CTNNA3: variants seen among roughly 807,000 people sequenced by gnomAD.
CTNNA3 encodes catenin alpha-3.
A neutral mutation model predicts 95.7 loss-of-function variants in CTNNA3; 76 were observed. That is an observed-to-expected ratio of 0.79 (90% confidence interval 0.66 to 0.96). The LOEUF (loss-of-function observed/expected upper bound fraction) is 0.96. Among genes scored for constraint, CTNNA3 ranks in the 40% least tolerant of loss-of-function variants. The probability of loss-of-function intolerance (pLI) is 0.00; values close to 1 mark genes in which losing one functional copy is unlikely to be tolerated. For synonymous variants in CTNNA3, 431 were observed against 374.4 expected (o/e 1.15, Z -1.74); for missense variants, 1,191 against 1,089.8 (o/e 1.09, Z -1.31).
chr10:67,425,240 T>C (rs763449701), intron 5 of CTNNA3, among the ~76,000 whole-genome samples: 1 of 152,122 alleles, frequency 6.6e-6, no homozygotes. Flanking sequence ...TACTCAGCCA[T>C]GTAGGTGCTA....
intron 12 of CTNNA3, among the ~76,000 whole-genome samples, chr10:66,315,809 G>A (rs2132273173): frequency 6.6e-6 from 1 of 152,128 alleles, no homozygotes; most frequent in African/African-American, 2.4e-5. Flanking sequence ...AAAAGCTGAA[G>A]CCCATATTTC....
chr10:66,004,373 A>T (rs1362892432), intron 15 of CTNNA3, among the ~76,000 whole-genome samples: 3 of 152,152 alleles, frequency 2.0e-5, no homozygotes, highest in Non-Finnish European at 4.4e-5. Flanking sequence ...GAAATCTGGC[A>T]TGTATCTTTT....
At chr10:67,364,813 A>C (rs1245667911) in intron 5 of CTNNA3, among the ~76,000 whole-genome samples, 2 of 152,224 alleles carry the variant, frequency 1.3e-5, no homozygotes, top group Non-Finnish European at 2.9e-5. Flanking sequence ...GGTAATTTAT[A>C]CATTCAATGC....
chr10:66,556,423 G>A (rs973021785), intron 10 of CTNNA3, among the ~76,000 whole-genome samples: 3 of 151,988 alleles, frequency 2.0e-5, no homozygotes, highest in Non-Finnish European at 4.4e-5. Flanking sequence ...TATGTTTATT[G>A]CAACTTTATT....
At chr10:66,020,895 G>C (rs763133594) in intron 15 of CTNNA3, among the ~76,000 whole-genome samples, 2 of 151,852 alleles carry the variant, frequency 1.3e-5, no homozygotes, top group East Asian at 1.9e-4. Context: ...GGATGGTCTC[G>C]ATCTCCTGAC....
intron 13 of CTNNA3, among the ~76,000 whole-genome samples, chr10:66,167,137 A>T (rs1423818502): frequency 1.3e-5 from 2 of 152,210 alleles, no homozygotes; most frequent in East Asian, 3.8e-4. Context: ...AAAAGGTACC[A>T]TGAAATAAGA....
chr10:66,537,137 A>G (rs1000173030), intron 10 of CTNNA3, among the ~76,000 whole-genome samples: 1 of 152,130 alleles, frequency 6.6e-6, no homozygotes, highest in Admixed American at 6.6e-5. Context: ...CCTCTTTCCA[A>G]ATAACTCGAG....
At chr10:66,546,294 C>A (rs931169571) in intron 10 of CTNNA3, among the ~76,000 whole-genome samples, 1 of 152,128 alleles carries the variant, frequency 6.6e-6, no homozygotes, top group African/African-American at 2.4e-5. Context: ...ATTTCATTTA[C>A]TTTCACATGC....
chr10:66,618,338 G>T (rs2132306800), intron 10 of CTNNA3, among the ~76,000 whole-genome samples: 1 of 152,124 alleles, frequency 6.6e-6, no homozygotes, highest in East Asian at 1.9e-4. Flanking sequence ...AACCAAAACA[G>T]CAAGGTACTG....
chr10:65,976,744 T>A (rs2078213844), intron 16 of CTNNA3, among the ~76,000 whole-genome samples: 1 of 152,276 alleles, frequency 6.6e-6, no homozygotes, highest in South Asian at 2.1e-4. Context: ...TTTAAGAATA[T>A]TCTACTATTT....
At chr10:66,944,699 G>A (rs538095575) in intron 7 of CTNNA3, among the ~76,000 whole-genome samples, 1 of 152,282 alleles carries the variant, frequency 6.6e-6, no homozygotes, top group East Asian at 1.9e-4. Flanking sequence ...ATCCAAGACA[G>A]CAAGAGACTT....
intron 12 of CTNNA3, among the ~76,000 whole-genome samples, chr10:66,282,340 G>C (rs2132164181): frequency 6.6e-6 from 1 of 151,820 alleles, no homozygotes; most frequent in South Asian, 2.1e-4. Flanking sequence ...ATATCCAACT[G>C]ACAATGGCAA....
chr10:67,333,675 A>T lies in CTNNA3; in HGVS notation c.580-113805T>A, dbSNP rs139030261. Among the ~76,000 whole-genome samples, 304 of 152,314 alleles carry T rather than the reference A, an allele frequency of 2.0e-3. 3 individuals are homozygous for T. Among genetic ancestry groups the T allele is most frequent in the African/African-American group, 6.8e-3 (282 of 41,570 alleles). On this transcript the variant is annotated intron_variant, in intron 5 of 17. Coordinates refer to ENST00000433211, the MANE Select transcript of CTNNA3 (RefSeq NM_013266.4). ...ATTTTGTTGGCTCACTGAGTACATG[A>T]TGGAGTAAAAAGAACATTGAAACTA...
chr10:67,729,327 A>C (rs1841261854), intron 1 of CTNNA3, among the ~76,000 whole-genome samples: 1 of 152,150 alleles, frequency 6.6e-6, no homozygotes, highest in Non-Finnish European at 1.5e-5. Context: ...TGAAAGAAAG[A>C]AACATTTATA....
At chr10:66,018,195 C>CACACACACAA (rs2079131587) in intron 15 of CTNNA3, among the ~76,000 whole-genome samples, 1 of 151,304 alleles carries the variant, frequency 6.6e-6, no homozygotes, top group Non-Finnish European at 1.5e-5. Context: ...AATACACACA[C>CACACACACAA]ACACACACAC....
intron 10 of CTNNA3, among the ~76,000 whole-genome samples, chr10:66,559,850 T>G (rs1842499194): frequency 6.6e-6 from 1 of 152,088 alleles, no homozygotes; most frequent in Admixed American, 6.6e-5. Flanking sequence ...ACATAGTAAT[T>G]CATTTTTAGT....
intron 5 of CTNNA3, among the ~76,000 whole-genome samples, chr10:67,306,237 C>T (rs1840548606): frequency 1.3e-5 from 2 of 152,072 alleles, no homozygotes; most frequent in South Asian, 4.1e-4. Flanking sequence ...GAACCTTCAT[C>T]AGAACGAGCT....
chr10:67,684,539 C>T, intron 1 of CTNNA3, among the ~76,000 whole-genome samples: 1 of 152,188 alleles, frequency 6.6e-6, no homozygotes, highest in Admixed American at 6.5e-5. Flanking sequence ...ACAGGACACC[C>T]CAACTGCTTT....
At chr10:67,331,305 T>C (rs569948218) in intron 5 of CTNNA3, among the ~76,000 whole-genome samples, 2 of 152,328 alleles carry the variant, frequency 1.3e-5, no homozygotes, top group Admixed American at 6.5e-5. Flanking sequence ...GCTTGAGACA[T>C]GCAGGATAAA....
Sources: allele counts gnomAD v4.1 joint callset (sites outside exome capture counted in the v4.1 genomes callset), GRCh38; gene constraint gnomAD v4.1.1; transcripts MANE v1.5; gene names NCBI Gene and HGNC (gene_info 2026-07-23, HGNC 2026-07-21).